The following CHSY3 variants were observed in gnomAD, a reference collection of about 807,000 sequenced individuals.
CHSY3 encodes chondroitin sulfate synthase 3, also known as N-acetylgalactosaminyl-proteoglycan 3-beta-glucuronosyltransferase 3.
Under a neutral mutation model 67.2 loss-of-function variants are expected in CHSY3, and 35 were observed. That is an observed-to-expected ratio of 0.52 (90% CI 0.40 to 0.69). CHSY3 has a LOEUF of 0.69. Among genes scored for constraint, CHSY3 ranks in the 30% least tolerant of loss-of-function variants. The probability of loss-of-function intolerance (pLI) is 0.00; values close to 1 mark genes in which losing one functional copy is unlikely to be tolerated. For missense variants in CHSY3, 1,069 were observed against 1,138.5 expected (o/e 0.94, Z 0.88); for synonymous variants, 474 against 434.7 (o/e 1.09, Z -1.12).
Position 129,929,333 on chromosome 5 carries a change from T to G in CHSY3, c.1086+20973T>G, listed in dbSNP as rs187066809. Among the ~76,000 whole-genome samples, 221 of 152,360 alleles carry G rather than the reference T, an allele frequency of 1.5e-3. 1 individual carries two copies. The highest frequency in any genetic ancestry group is 5.2e-3 in the African/African-American group (217 of 41,588). On this transcript the variant is annotated intron_variant, in intron 2 of 2. Coordinates refer to ENST00000305031, the MANE Select transcript of CHSY3 (RefSeq NM_175856.5). Reference sequence around the variant, plus strand: ...AGGAAAAATATGTAAGAATAAAGTTTTCATTTTCGGTAGAAACAGAAAATT... The same window carrying G: ...AGGAAAAATATGTAAGAATAAAGTTGTCATTTTCGGTAGAAACAGAAAATT...
At chr5:129,991,593 A>G (rs77583493) in intron 2 of CHSY3, among the ~76,000 whole-genome samples, 1 of 152,144 alleles carries the variant, frequency 6.6e-6, no homozygotes, top group Admixed American at 6.6e-5. Context: ...AGTTTGTCCT[A>G]AAGTTGAGTG....
intron 2 of CHSY3, among the ~76,000 whole-genome samples, chr5:129,933,735 A>G (rs1380214347): frequency 6.6e-6 from 1 of 152,166 alleles, no homozygotes; most frequent in Non-Finnish European, 1.5e-5. Context: ...ACACTCATTT[A>G]ACATTATCTC....
At chr5:130,017,150 G>C (rs1017901939) in intron 2 of CHSY3, among the ~76,000 whole-genome samples, 6 of 151,842 alleles carry the variant, frequency 4.0e-5, no homozygotes, top group Admixed American at 3.3e-4. Context: ...GGTTTGAAGT[G>C]CTTGGACGAA....
chr5:130,058,154 A>G (rs1765596552), intron 2 of CHSY3, among the ~76,000 whole-genome samples: 1 of 151,948 alleles, frequency 6.6e-6, no homozygotes, highest in African/African-American at 2.4e-5. Context: ...TTCTTTCTGT[A>G]TTGTCACTAT....
At chr5:130,127,727 T>G (rs1318525059) in intron 2 of CHSY3, among the ~76,000 whole-genome samples, 1 of 152,202 alleles carries the variant, frequency 6.6e-6, no homozygotes, top group South Asian at 2.1e-4. Context: ...TATCATACCA[T>G]CAGCTTCTTA....
chr5:130,167,123 T>G (rs1408077420), intron 2 of CHSY3, among the ~76,000 whole-genome samples: 1 of 152,100 alleles, frequency 6.6e-6, no homozygotes, highest in Non-Finnish European at 1.5e-5. Context: ...CCTTTTTTAT[T>G]GTGTAAATTT....
chr5:130,002,535 C>A (rs986418683), intron 2 of CHSY3, among the ~76,000 whole-genome samples: 1 of 152,086 alleles, frequency 6.6e-6, no homozygotes, highest in African/African-American at 2.4e-5. Flanking sequence ...TCCTGGCTAG[C>A]TTATTGTCCA....
rs762527319 is a variant in CHSY3, at chr5:130,185,658, A to T, written c.2516A>T (p.Asp839Val). ...CATATTTTCCATCCAGTTCATTGTG[A>T]TCCTAACTTGGACCCTAAGCAGTAT... ...VVHIFHPVHC[D>V]PNLDPKQYKM... Residue 839 changes from aspartate to valine, a missense_variant, in exon 3 of 3, where the codon GAT (aspartate) becomes GTT (valine). Asp to Val is a radical substitution (Grantham distance 152). Coordinates refer to ENST00000305031, the MANE Select transcript of CHSY3 (RefSeq NM_175856.5). 1 of 1,614,076 alleles carries T rather than the reference A, an allele frequency of 6.2e-7. No homozygotes were observed. Among genetic ancestry groups the T allele is most frequent in the Non-Finnish European group, 8.5e-7 (1 of 1,179,960 alleles).
intron 2 of CHSY3, among the ~76,000 whole-genome samples, chr5:130,082,173 A>C (rs1430670784): frequency 1.3e-5 from 2 of 152,014 alleles, no homozygotes; most frequent in South Asian, 2.1e-4. Context: ...CCCCATCTCC[A>C]GTGGGGTTTC....
intron 2 of CHSY3, among the ~76,000 whole-genome samples, chr5:130,114,116 T>C (rs1767696816): frequency 6.6e-6 from 1 of 152,162 alleles, no homozygotes; most frequent in South Asian, 2.1e-4. Flanking sequence ...TTTGAAAATC[T>C]CACATAATAG....
rs1472130140 is a variant in CHSY3, at chr5:129,905,036, A to C, written c.207A>C (p.Arg69=). The C allele has an allele frequency of 2.6e-6, 4 of 1,557,472 alleles. No individual in the cohort carries two copies. Among genetic ancestry groups the C allele is most frequent in the Non-Finnish European group, 3.5e-6 (4 of 1,158,218 alleles). Residue 69 remains arginine (R), a synonymous_variant, in exon 1 of 3, where the codon CGA becomes CGC. Coordinates refer to ENST00000305031, the MANE Select transcript of CHSY3 (RefSeq NM_175856.5). The stretch of plus-strand genomic sequence containing the variant: ...AGCCGCTCCCCCAGCCCCAGTCCCG[A>C]CCACGGCAGGAGCAGTCGCCGCCCC... The part of the protein sequence containing the change: ...AQQPLPQPQS[R]PRQEQSPPPA...
At position 130,142,873 on chromosome 5, in the gene CHSY3, T is replaced by G. The variant is rs575382125; in HGVS notation, c.1087-41356T>G. Among the ~76,000 whole-genome samples the G allele has an allele frequency of 5.5e-4, 83 of 152,220 alleles. 1 individual carries two copies. Among genetic ancestry groups the G allele is most frequent in the Middle Eastern group, 3.4e-3 (1 of 294 alleles). On this transcript the variant is annotated intron_variant, in intron 2 of 2. Coordinates refer to ENST00000305031, the MANE Select transcript of CHSY3 (RefSeq NM_175856.5). ...AATCCCATATGGGTGATCTTGAAGATTTCCCTCAATCAGAACACAGGAGAT... is the reference window on the plus strand; with the variant it reads ...AATCCCATATGGGTGATCTTGAAGAGTTCCCTCAATCAGAACACAGGAGAT...
At chr5:129,935,988 C>T (rs1270138196) in intron 2 of CHSY3, among the ~76,000 whole-genome samples, 4 of 151,912 alleles carry the variant, frequency 2.6e-5, no homozygotes, top group East Asian at 1.9e-4. Context: ...AAATTTAACT[C>T]GGGCTGAAAA....
chr5:130,020,841 G>C (rs967338393), intron 2 of CHSY3, among the ~76,000 whole-genome samples: 3 of 151,968 alleles, frequency 2.0e-5, no homozygotes, highest in African/African-American at 7.3e-5. Flanking sequence ...TTCAAATCTG[G>C]GCTCATGCTT....
At chr5:130,005,487 A>G (rs1476592128) in intron 2 of CHSY3, among the ~76,000 whole-genome samples, 1 of 151,864 alleles carries the variant, frequency 6.6e-6, no homozygotes, top group African/African-American at 2.4e-5. Flanking sequence ...TTAAAAATTC[A>G]CTCTCTTAGT....
In CHSY3 at chr5:129,904,784, C is replaced by A; in HGVS notation, c.-46C>A. 1 of 1,311,252 alleles carries A rather than the reference C, an allele frequency of 7.6e-7. No homozygotes were observed. Among genetic ancestry groups the A allele is most frequent in the African/African-American group, 1.5e-5 (1 of 65,202 alleles). 81.2% of individuals were successfully genotyped at this position (1,311,252 alleles called of 1,614,324 possible). On this transcript the variant is annotated 5_prime_UTR_variant, in exon 1 of 3. Coordinates refer to ENST00000305031, the MANE Select transcript of CHSY3 (RefSeq NM_175856.5). The stretch of plus-strand genomic sequence containing the variant: ...GGGTGTGAGCCGGGGAAACCGCGTG[C>A]CGCGCCGCGACAGCCCAGCGAGCGT...
At chr5:129,913,427 A>C (rs1463870823) in intron 2 of CHSY3, among the ~76,000 whole-genome samples, 1 of 152,202 alleles carries the variant, frequency 6.6e-6, no homozygotes, top group African/African-American at 2.4e-5. Flanking sequence ...TTGGCCATTA[A>C]AATTGTATAT....
chr5:130,074,420 C>G (rs1027776181), intron 2 of CHSY3, among the ~76,000 whole-genome samples: 3 of 152,016 alleles, frequency 2.0e-5, no homozygotes, highest in African/African-American at 4.8e-5. Context: ...GGCACACATT[C>G]CTAAAAGATA....
intron 2 of CHSY3, among the ~76,000 whole-genome samples, chr5:129,930,357 C>T (rs1761259725): frequency 6.6e-6 from 1 of 151,380 alleles, no homozygotes; most frequent in Non-Finnish European, 1.5e-5. Context: ...AAAGCTATCC[C>T]TTATTCTAAG....
Sources: gnomAD v4.1 joint callset for allele counts (sites outside exome capture counted in the v4.1 genomes callset) on GRCh38, gnomAD v4.1.1 for gene constraint, MANE v1.5 for transcripts, NCBI Gene and HGNC (gene_info 2026-07-23, HGNC 2026-07-21) for gene names.